Variants in LOC400499 observed in about 807,000 individuals in gnomAD.
chr16:11,389,972 A>G, the LOC400499 span: 1 of 490,638 alleles, frequency 2.0e-6, no homozygotes, highest in Non-Finnish European at 3.2e-6. Context: ...CCTCATCTGT[A>G]AAACGAGGAG....
At chr16:11,418,431 A>T in the LOC400499 span, among the ~76,000 whole-genome samples, 2 of 152,096 alleles carry the variant, frequency 1.3e-5, no homozygotes, top group Non-Finnish European at 2.9e-5. Context: ...CAAACCAAGA[A>T]GGTGACAAGA....
chr16:11,380,007 G>C, the LOC400499 span, among the ~76,000 whole-genome samples: 1 of 152,076 alleles, frequency 6.6e-6, no homozygotes, highest in African/African-American at 2.4e-5. Context: ...ACCCAGGCTG[G>C]AGTGCAGTGG....
At chr16:11,440,743 T>C in the LOC400499 span, 222 of 399,084 alleles carry the variant, frequency 5.6e-4, 1 homozygote, top group African/African-American at 4.1e-3. Flanking sequence ...GACGTTGTGA[T>C]TGACGGCAGC....
At chr16:11,473,154 A>G in the LOC400499 span, 1 of 151,516 alleles carries the variant, frequency 6.6e-6, no homozygotes, top group African/African-American at 2.4e-5. Context: ...ATAAAAATGT[A>G]CTTGTTGCAG....
chr16:11,496,374 C>A, the LOC400499 span, among the ~76,000 whole-genome samples: 1 of 152,174 alleles, frequency 6.6e-6, no homozygotes, highest in East Asian at 1.9e-4. Flanking sequence ...AGCTGCCCAG[C>A]TCTGTTCTTT....
the LOC400499 span, among the ~76,000 whole-genome samples, chr16:11,422,826 C>A: frequency 6.6e-6 from 1 of 152,182 alleles, no homozygotes; most frequent in Non-Finnish European, 1.5e-5. Context: ...CAGCCCTGAG[C>A]GCCACGGTCC....
At chr16:11,477,153 G>C in the LOC400499 span, among the ~76,000 whole-genome samples, 13 of 152,354 alleles carry the variant, frequency 8.5e-5, no homozygotes, top group Non-Finnish European at 1.0e-4. Flanking sequence ...CTGAGGCTCA[G>C]AGAGGTGAAA....
the LOC400499 span, among the ~76,000 whole-genome samples, chr16:11,507,137 G>T: frequency 6.6e-6 from 1 of 152,256 alleles, no homozygotes; most frequent in Admixed American, 6.5e-5. Context: ...GGTGGTCAGG[G>T]GTCCTCTTGG....
chr16:11,521,131 T>A, the LOC400499 span, among the ~76,000 whole-genome samples: 1 of 152,264 alleles, frequency 6.6e-6, no homozygotes, highest in South Asian at 2.1e-4. Context: ...CAGAGGCAGC[T>A]CAGGCCCACT....
At chr16:11,493,171 G>C in the LOC400499 span, among the ~76,000 whole-genome samples, 4 of 152,188 alleles carry the variant, frequency 2.6e-5, no homozygotes, top group African/African-American at 7.2e-5. Flanking sequence ...TGAGTAAGAA[G>C]GGAGGTAGTG....
At chr16:11,435,537 C>T in the LOC400499 span, 5 of 397,798 alleles carry the variant, frequency 1.3e-5, no homozygotes, top group African/African-American at 6.2e-5. Context: ...ATGGGGCTGA[C>T]TTGGGCGTGG....
At chr16:11,444,622 G>C in the LOC400499 span, among the ~76,000 whole-genome samples, 7 of 152,172 alleles carry the variant, frequency 4.6e-5, no homozygotes, top group East Asian at 1.9e-4. Flanking sequence ...AGAAAAGTTT[G>C]TTGACCTCTG....
At chr16:11,443,904 G>C in the LOC400499 span, among the ~76,000 whole-genome samples, 1 of 151,516 alleles carries the variant, frequency 6.6e-6, no homozygotes, top group Non-Finnish European at 1.5e-5. Context: ...CTGGGATCTC[G>C]GCTCACCGTA....
At chr16:11,522,911 C>A in the LOC400499 span, among the ~76,000 whole-genome samples, 1 of 152,244 alleles carries the variant, frequency 6.6e-6, no homozygotes, top group East Asian at 1.9e-4. Context: ...ATTATCCAGC[C>A]AAATCTCTAA....
chr16:11,389,683 C>T, the LOC400499 span, among the ~76,000 whole-genome samples: 1 of 21,484 alleles, frequency 4.7e-5, no homozygotes, highest in African/African-American at 9.2e-5. Flanking sequence ...AAAACTCCAT[C>T]TCAAAAAAAA....
the LOC400499 span, chr16:11,393,472 C>T: frequency 5.6e-4 from 694 of 1,232,336 alleles, 2 homozygotes; most frequent in African/African-American, 2.4e-3. Context: ...CTGTTGTCCA[C>T]GCTTCCCTCC....
At chr16:11,372,743 A>G in the LOC400499 span, 5 of 983,236 alleles carry the variant, frequency 5.1e-6, no homozygotes, top group Non-Finnish European at 6.0e-6. Flanking sequence ...CTCAAACTGT[A>G]AAGGAGAGAG....
At chr16:11,444,785 C>G in the LOC400499 span, among the ~76,000 whole-genome samples, 1 of 152,024 alleles carries the variant, frequency 6.6e-6, no homozygotes, top group Non-Finnish European at 1.5e-5. Context: ...ATGGATCACA[C>G]AAAAATAGAA....
the LOC400499 span, among the ~76,000 whole-genome samples, chr16:11,526,173 C>T: frequency 0.02 from 3,016 of 152,314 alleles, 93 homozygotes; most frequent in African/African-American, 0.066. Context: ...ATCTGGCCCG[C>T]GCTCTCCAGT....
Sources: gnomAD v4.1 joint callset for allele counts (sites outside exome capture counted in the v4.1 genomes callset) on GRCh38, gnomAD v4.1.1 for gene constraint, MANE v1.5 for transcripts.